The following NPRL3 variants were observed in gnomAD, a reference collection of about 807,000 sequenced individuals.
NPRL3 encodes the protein GATOR1 complex protein NPRL3.
Under a neutral mutation model 57.2 loss-of-function variants are expected in NPRL3, and 23 were observed. That is an observed-to-expected ratio of 0.40 (90% CI 0.29 to 0.57). NPRL3 has a LOEUF of 0.57. Among genes scored for constraint, NPRL3 ranks in the 20% least tolerant of loss-of-function variants. The pLI is 0.42. For missense variants in NPRL3, 691 were observed against 767.1 expected, an observed-to-expected ratio of 0.90 and a Z score of 1.17; for synonymous variants, 333 against 321.1, an observed-to-expected ratio of 1.04 and a Z score of -0.39.
At chr16:99,067 A>G (rs1053719765) in intron 8 of NPRL3, among the ~76,000 whole-genome samples, 9 of 152,220 alleles carry the variant, frequency 5.9e-5, no homozygotes, top group African/African-American at 2.2e-4. Context: ...TGTTGATTGA[A>G]GACATGAATG....
At chr16:87,553 A>C (rs1054387838) in intron 13 of NPRL3, among the ~76,000 whole-genome samples, 1 of 109,774 alleles carries the variant, frequency 9.1e-6, no homozygotes, top group African/African-American at 3.5e-5. Flanking sequence ...TTTTTTTTTG[A>C]GACGGAGTCT....
intron 6 of NPRL3, among the ~76,000 whole-genome samples, chr16:111,227 C>T (rs751886363): frequency 6.6e-5 from 10 of 151,556 alleles, no homozygotes; most frequent in South Asian, 2.1e-4. Flanking sequence ...GTGAAAACCC[C>T]GTCCCTACTA....
intron 3 of NPRL3, 48 bp from the exon 4 acceptor site, chr16:119,303 C>T (rs1424054886): frequency 1.3e-6 from 2 of 1,547,944 alleles, no homozygotes; most frequent in Non-Finnish European, 1.8e-6. Context: ...CAAAATACCA[C>T]AGCACCATGC....
chr16:97,708 C>T (rs1434860069), intron 9 of NPRL3, among the ~76,000 whole-genome samples: 1 of 151,356 alleles, frequency 6.6e-6, no homozygotes, highest in Non-Finnish European at 1.5e-5. Context: ...CGTAAGGCCA[C>T]CAGGTTAGGT....
At chr16:111,912 G>T (rs1899832552) in intron 6 of NPRL3, among the ~76,000 whole-genome samples, 1 of 152,196 alleles carries the variant, frequency 6.6e-6, no homozygotes, top group African/African-American at 2.4e-5. Flanking sequence ...GCTGGCCAAA[G>T]AAAATGGAGA....
chr16:95,325 G>GTGTATATA (rs761991763), intron 9 of NPRL3, among the ~76,000 whole-genome samples: 114 of 102,116 alleles, frequency 1.1e-3, no homozygotes, highest in African/African-American at 3.6e-3. Flanking sequence ...GTTTGTGTGT[G>GTGTATATA]TATATATATA....
Position 98,295 on chromosome 16 carries a change from G to A in NPRL3, c.774C>T (p.Tyr258=), listed in dbSNP as rs867730506. 2 of 1,612,818 alleles carry A rather than the reference G, an allele frequency of 1.2e-6. No individual in the cohort carries two copies. The highest frequency in any genetic ancestry group is 8.5e-7 in the Non-Finnish European group (1 of 1,179,424). Residue 258 remains tyrosine (Y), a synonymous_variant, in exon 9 of 14, where the codon TAC becomes TAT. Coordinates refer to ENST00000611875, the MANE Select transcript of NPRL3 (RefSeq NM_001077350.3). ...CATCACTGAGCAGCAGCAGGGCATG[G>A]TAGGGGCTGCAAAACAATCACCTGT... ...IERSLKAIRP[Y]HALLLLSDEK...
At position 86,593 on chromosome 16, in the gene NPRL3, T is replaced by C; in HGVS notation, c.*112A>G. On this transcript the variant is annotated 3_prime_UTR_variant, in exon 14 of 14. Coordinates refer to ENST00000611875, the MANE Select transcript of NPRL3 (RefSeq NM_001077350.3). ...CCACGGCCAGCCCGCATCCACCCAA[T>C]GCCAGGCCTCAGGGCCAAGAGGGCT... is the stretch of plus-strand genomic sequence containing the variant. The C allele has an allele frequency of 8.8e-7, 1 of 1,130,908 alleles. No homozygotes were observed. The allele number at this position is 1,130,908 out of a possible 1,614,324, so 70.1% of individuals were successfully genotyped here.
At chr16:130,459 G>T in intron 3 of NPRL3, 63 bp downstream of exon 3, 1 of 1,468,054 alleles carries the variant, frequency 6.8e-7, no homozygotes, top group Non-Finnish European at 9.2e-7. Context: ...ATAGGAGGGT[G>T]GGGCTTTGCC....
chr16:110,219 A>G (rs1008331008), intron 7 of NPRL3, among the ~76,000 whole-genome samples: 3 of 152,204 alleles, frequency 2.0e-5, no homozygotes, highest in African/African-American at 7.2e-5. Context: ...CTGTGAGCCG[A>G]GATCGTGCCG....
chr16:115,279 G>C (rs1168854985), intron 5 of NPRL3, among the ~76,000 whole-genome samples: 1 of 151,890 alleles, frequency 6.6e-6, no homozygotes, highest in Admixed American at 6.6e-5. Flanking sequence ...CTGGACAAAA[G>C]TGTATATTTT....
chr16:89,603 C>A (rs2239297), intron 12 of NPRL3, 110 bp downstream of exon 12: 9 of 1,028,878 alleles, frequency 8.7e-6, no homozygotes, highest in Non-Finnish European at 1.2e-5. Context: ...TGTGCGTGTG[C>A]AGCTGTGTGG....
chr16:130,598 C>T lies in NPRL3; in HGVS notation c.119-7G>A, dbSNP rs372930922. On this transcript the variant is annotated splice_polypyrimidine_tract_variant and splice_region_variant and intron_variant, in intron 2 of 13. Coordinates refer to ENST00000611875, the MANE Select transcript of NPRL3 (RefSeq NM_001077350.3). Reference sequence around the variant, plus strand: ...TATCTGCTACGCGGCTTACCTGAGTCGGGGCGAAAAGAGGGGAAGGGCTAA... The same window carrying T: ...TATCTGCTACGCGGCTTACCTGAGTTGGGGCGAAAAGAGGGGAAGGGCTAA... 37 of 1,553,124 alleles carry T rather than the reference C, an allele frequency of 2.4e-5. No individual in the cohort carries two copies. Among genetic ancestry groups the T allele is most frequent in the Non-Finnish European group, 3.0e-5 (34 of 1,147,970 alleles).
intron 3 of NPRL3, 53 bp from the exon 4 acceptor site, chr16:119,308 C>G (rs1227648070): frequency 6.5e-7 from 1 of 1,536,734 alleles, no homozygotes; most frequent in African/African-American, 1.4e-5. Context: ...TACCACAGCA[C>G]CATGCCCTGC....
At chr16:132,343 G>C (rs1900848875) in intron 2 of NPRL3, among the ~76,000 whole-genome samples, 1 of 152,086 alleles carries the variant, frequency 6.6e-6, no homozygotes, top group African/African-American at 2.4e-5. Flanking sequence ...TAACAATCAA[G>C]TCCTCATCCG....
chr16:85,663 G>A lies in NPRL3; in HGVS notation c.*1042C>T. ...AGCCGGCTGTAGTGGCAGCAGCCCGGGTGGGCGTCGGCCATGCAGGGGAGT... is the reference window on the plus strand; with the variant it reads ...AGCCGGCTGTAGTGGCAGCAGCCCGAGTGGGCGTCGGCCATGCAGGGGAGT... On this transcript the variant is annotated 3_prime_UTR_variant, in exon 14 of 14. Coordinates refer to ENST00000611875, the MANE Select transcript of NPRL3 (RefSeq NM_001077350.3). 4 of 1,582,084 alleles carry A rather than the reference G, an allele frequency of 2.5e-6. No homozygotes were observed. Among genetic ancestry groups the A allele is most frequent in the South Asian group, 2.3e-5 (2 of 88,220 alleles).
At position 138,628 on chromosome 16, in the gene NPRL3, C is replaced by T. The variant is rs2141996874; in HGVS notation, c.-68+14G>A. On this transcript the variant is annotated intron_variant, in intron 1 of 13. Coordinates refer to ENST00000611875, the MANE Select transcript of NPRL3 (RefSeq NM_001077350.3). ...GGGTGGTGGTGGACGCGGAGCAGCGCCACAGTTACCAACCCACGTGCCACG... is the reference window on the plus strand; with the variant it reads ...GGGTGGTGGTGGACGCGGAGCAGCGTCACAGTTACCAACCCACGTGCCACG... The T allele has an allele frequency of 4.6e-6, 1 of 215,552 alleles. No homozygotes were observed. Among genetic ancestry groups the T allele is most frequent in the Non-Finnish European group, 9.5e-6 (1 of 105,232 alleles). The allele number at this position is 215,552 out of a possible 1,614,324, so 13.4% of individuals were successfully genotyped here. A position where few individuals can be genotyped will look rare whatever the true frequency, so the allele number is the denominator to read the frequency against.
intron 3 of NPRL3, among the ~76,000 whole-genome samples, chr16:127,654 A>AT (rs555123884): frequency 0.011 from 1,484 of 139,902 alleles, 11 homozygotes; most frequent in African/African-American, 0.016. Context: ...GAGCAAGTGA[A>AT]TTTTTTTTTT....
chr16:91,533 G>C (rs548842915), intron 11 of NPRL3, among the ~76,000 whole-genome samples: 299 of 152,226 alleles, frequency 2.0e-3, no homozygotes, highest in African/African-American at 6.8e-3. Flanking sequence ...CTCTGAGAAG[G>C]GAGCACCAGC....
Sources: allele counts gnomAD v4.1 joint callset (sites outside exome capture counted in the v4.1 genomes callset), GRCh38; gene constraint gnomAD v4.1.1; transcripts MANE v1.5; gene names NCBI Gene and HGNC (gene_info 2026-07-23, HGNC 2026-07-21).